TRHDE: variants seen among roughly 807,000 people sequenced by gnomAD.
The protein encoded by TRHDE is thyrotropin-releasing hormone-degrading ectoenzyme.
In TRHDE, 72 loss-of-function variants were observed where a neutral mutation model predicts 125.7. That is an observed-to-expected ratio of 0.57 (90% CI 0.47 to 0.70). The LOEUF (loss-of-function observed/expected upper bound fraction) is 0.70. TRHDE is among the 30% of genes least tolerant of loss of function. The pLI is 0.00. For synonymous variants in TRHDE, 509 were observed against 509.1 expected, an observed-to-expected ratio of 1.00 and a Z score of 0.00; for missense variants, 1,110 against 1,327.1, an observed-to-expected ratio of 0.84 and a Z score of 2.54.
At chr12:72,369,394 A>G (rs974086430) in intron 2 of TRHDE, among the ~76,000 whole-genome samples, 4 of 152,208 alleles carry the variant, frequency 2.6e-5, no homozygotes, top group African/African-American at 9.7e-5. Context: ...GCAAAGAAGA[A>G]TACACAGGAG....
intron 2 of TRHDE, among the ~76,000 whole-genome samples, chr12:72,158,307 G>A (rs573367043): frequency 2.6e-5 from 4 of 151,814 alleles, no homozygotes; most frequent in East Asian, 1.9e-4. Context: ...CTTGTACCCC[G>A]TGAATCTAAA....
At chr12:72,319,071 TA>T (rs1469039825) in intron 2 of TRHDE, among the ~76,000 whole-genome samples, 1 of 151,668 alleles carries the variant, frequency 6.6e-6, no homozygotes, top group African/African-American at 2.4e-5. Flanking sequence ...AATGAATGGG[TA>T]GGATGGGAGG....
At chr12:72,424,491 A>C (rs1874100577) in intron 3 of TRHDE, among the ~76,000 whole-genome samples, 1 of 152,190 alleles carries the variant, frequency 6.6e-6, no homozygotes, top group Non-Finnish European at 1.5e-5. Context: ...CTTTTAGCCC[A>C]GTGAGACCTG....
In TRHDE at chr12:72,517,028, C is replaced by T. The variant is rs562514475; in HGVS notation, c.1722+17393C>T. Reference sequence around the variant, plus strand: ...CATGGTGGATAAGCTTTTTGATGTGCTGCTGGATTCAGTTTGCCAGTATTT... The same window carrying T: ...CATGGTGGATAAGCTTTTTGATGTGTTGCTGGATTCAGTTTGCCAGTATTT... On this transcript the variant is annotated intron_variant, in intron 6 of 18. Transcript: ENST00000261180. Among the ~76,000 whole-genome samples, 220 of 152,100 alleles carry T rather than the reference C, an allele frequency of 1.4e-3. 1 individual carries two copies. Among genetic ancestry groups the T allele is most frequent in the African/African-American group, 4.8e-3 (201 of 41,482 alleles).
chr12:72,371,321 C>T, intron 2 of TRHDE, among the ~76,000 whole-genome samples: 1 of 150,464 alleles, frequency 6.6e-6, no homozygotes, highest in East Asian at 1.9e-4. Context: ...AAAGTTGTAT[C>T]TAGTAGGCAT....
intron 6 of TRHDE, among the ~76,000 whole-genome samples, chr12:72,536,427 G>A (rs755700963): frequency 7.9e-5 from 12 of 152,074 alleles, no homozygotes; most frequent in African/African-American, 1.9e-4. Context: ...AGGAAGAGGC[G>A]TCAGGTTGAT....
At chr12:72,189,122 T>C (rs370159138) in intron 2 of TRHDE, among the ~76,000 whole-genome samples, 1 of 152,186 alleles carries the variant, frequency 6.6e-6, no homozygotes, top group Non-Finnish European at 1.5e-5. Flanking sequence ...ATAAAAAAGA[T>C]TCTTTTTTGC....
At chr12:72,502,552 T>G in intron 6 of TRHDE, among the ~76,000 whole-genome samples, 1 of 152,148 alleles carries the variant, frequency 6.6e-6, no homozygotes. Context: ...AGATTTATTA[T>G]GGTTTATTTT....
At chr12:72,561,879 G>A (rs1470216748) in intron 7 of TRHDE, among the ~76,000 whole-genome samples, 1 of 152,078 alleles carries the variant, frequency 6.6e-6, no homozygotes, top group African/African-American at 2.4e-5. Flanking sequence ...ATTGACTGAG[G>A]TTGACTTGCT....
At chr12:72,128,127 C>T (rs1040140930) in intron 2 of TRHDE, among the ~76,000 whole-genome samples, 1 of 152,118 alleles carries the variant, frequency 6.6e-6, no homozygotes, top group African/African-American at 2.4e-5. Context: ...AATGTTCTTA[C>T]CACCTAGTCT....
At chr12:72,092,232 G>A (rs1396909421) in intron 1 of TRHDE, among the ~76,000 whole-genome samples, 2 of 152,158 alleles carry the variant, frequency 1.3e-5, no homozygotes, top group Non-Finnish European at 2.9e-5. Context: ...ATCACTTTGG[G>A]AAATTTCATT....
intron 2 of TRHDE, among the ~76,000 whole-genome samples, chr12:72,359,265 A>G (rs1171692687): frequency 6.6e-6 from 1 of 151,682 alleles, no homozygotes; most frequent in Non-Finnish European, 1.5e-5. Flanking sequence ...CAAACAATGA[A>G]TTGAAGGGAA....
chr12:72,259,908 G>A (rs1476864062), intron 2 of TRHDE, among the ~76,000 whole-genome samples: 1 of 152,198 alleles, frequency 6.6e-6, no homozygotes, highest in East Asian at 1.9e-4. Context: ...TTCTGCATTG[G>A]CTGGCTATTT....
chr12:72,551,387 CCTT>C (rs1869665034), intron 7 of TRHDE, among the ~76,000 whole-genome samples: 2 of 152,098 alleles, frequency 1.3e-5, no homozygotes, highest in Admixed American at 1.3e-4. Context: ...CCTGTATTCA[CCTT>C]CTCTCTTCTG....
At chr12:72,278,179 C>A (rs957962971) in intron 1 of TRHDE, among the ~76,000 whole-genome samples, 1 of 152,120 alleles carries the variant, frequency 6.6e-6, no homozygotes, top group Non-Finnish European at 1.5e-5. Flanking sequence ...CCACATATTA[C>A]TGAGATCATG....
chr12:72,237,325 A>G (rs371406200), intron 2 of TRHDE, among the ~76,000 whole-genome samples: 20 of 152,188 alleles, frequency 1.3e-4, no homozygotes, highest in African/African-American at 4.3e-4. Context: ...TATTAAAGCA[A>G]AGTAAATTGG....
In TRHDE at chr12:72,094,060, C is replaced by A. The variant is rs113665020; in HGVS notation, n.174+6621C>A. The stretch of plus-strand genomic sequence containing the variant: ...TCGGATTGGAGCTGGGTCATGTGGC[C>A]GCTGTTGGGTTTGCAGTGGAGTCTG... On this transcript the variant is annotated intron_variant and non_coding_transcript_variant, in intron 1 of 4. Coordinates refer to the TRHDE transcript ENST00000548156. Among the ~76,000 whole-genome samples the A allele has an allele frequency of 7.6e-3, 1,157 of 152,204 alleles. 20 individuals are homozygous for A. Among genetic ancestry groups the A allele is most frequent in the African/African-American group, 0.027 (1,116 of 41,518 alleles).
chr12:72,114,177 A>AAAAAG (rs370194242), intron 2 of TRHDE, among the ~76,000 whole-genome samples: 2 of 150,292 alleles, frequency 1.3e-5, no homozygotes. Flanking sequence ...AAAAAAAAAA[A>AAAAAG]GCATGCTGGG....
chr12:72,583,803 G>A (rs1871332217), intron 12 of TRHDE, among the ~76,000 whole-genome samples: 1 of 152,040 alleles, frequency 6.6e-6, no homozygotes, highest in Non-Finnish European at 1.5e-5. Context: ...GTTGAGGGTG[G>A]AGTCACAGAT....
Sources: gnomAD v4.1 joint callset for allele counts (sites outside exome capture counted in the v4.1 genomes callset) on GRCh38, gnomAD v4.1.1 for gene constraint, MANE v1.5 for transcripts, NCBI Gene and HGNC (gene_info 2026-07-23, HGNC 2026-07-21) for gene names.